FOXN2: variants seen among roughly 807,000 people sequenced by gnomAD.
The protein encoded by FOXN2 is forkhead box N2, also known as forkhead box protein N2.
In FOXN2, 19 loss-of-function variants were observed where a neutral mutation model predicts 41.2. The observed-to-expected ratio is 0.46, with a 90% confidence interval of 0.32 to 0.68. FOXN2 has a LOEUF of 0.68. FOXN2 is among the 30% of genes least tolerant of loss of function. The pLI is 0.03. For missense variants in FOXN2, 587 were observed against 509.4 expected (o/e 1.15, Z -1.47); for synonymous variants, 195 against 176.8 (o/e 1.10, Z -0.82).
At chr2:48,344,250 CAG>C (rs1391687529) in intron 2 of FOXN2, among the ~76,000 whole-genome samples, 1 of 152,156 alleles carries the variant, frequency 6.6e-6, no homozygotes, top group Non-Finnish European at 1.5e-5. Flanking sequence ...GAGATTGAAA[CAG>C]AAACCAAATC....
At chr2:48,330,053 G>GA (rs200912056) in intron 2 of FOXN2, among the ~76,000 whole-genome samples, 6 of 148,000 alleles carry the variant, frequency 4.1e-5, no homozygotes, top group East Asian at 3.9e-4. Context: ...TAATTACCAA[G>GA]AAAAAAAAAT....
intron 5 of FOXN2, among the ~76,000 whole-genome samples, chr2:48,366,144 A>G (rs757396761): frequency 6.6e-6 from 1 of 151,968 alleles, no homozygotes; most frequent in African/African-American, 2.4e-5. Context: ...ATCACATGAG[A>G]TCAAGAGTTC....
intron 1 of FOXN2, among the ~76,000 whole-genome samples, chr2:48,321,121 G>A (rs1174307411): frequency 1.3e-5 from 2 of 151,902 alleles, no homozygotes; most frequent in Non-Finnish European, 2.9e-5. Flanking sequence ...ACATGTTATG[G>A]TCTGTAGTAG....
At chr2:48,322,514 C>G (rs969608017) in intron 1 of FOXN2, among the ~76,000 whole-genome samples, 1 of 152,130 alleles carries the variant, frequency 6.6e-6, no homozygotes, top group African/African-American at 2.4e-5. Context: ...CTCACGCTCA[C>G]GCGGATTCTT....
intron 5 of FOXN2, among the ~76,000 whole-genome samples, chr2:48,364,409 G>T (rs1406725104): frequency 6.6e-6 from 1 of 151,840 alleles, no homozygotes. Context: ...TTAACATTTT[G>T]ATATAATTCC....
In FOXN2 at chr2:48,375,553, T is replaced by A; in HGVS notation, c.*110T>A. On this transcript the variant is annotated 3_prime_UTR_variant, in exon 7 of 7. Transcript: ENST00000340553. Reference sequence around the variant, plus strand: ...TAGGGAAGGGATACTAATTACTTATTTCTTTCAAAACATTTTTGGTTTTTG... The same window carrying A: ...TAGGGAAGGGATACTAATTACTTATATCTTTCAAAACATTTTTGGTTTTTG... The A allele has an allele frequency of 8.7e-7, 1 of 1,147,538 alleles. No homozygotes were observed. Among genetic ancestry groups the A allele is most frequent in the Non-Finnish European group, 1.2e-6 (1 of 839,166 alleles). The allele number at this position is 1,147,538 out of a possible 1,614,324, so 71.1% of individuals were successfully genotyped here.
chr2:48,346,854 C>A, intron 3 of FOXN2, 103 bp downstream of exon 3: 1 of 896,706 alleles, frequency 1.1e-6, no homozygotes. Context: ...GTAGTCAAGT[C>A]AAATTACTTC....
In FOXN2 at chr2:48,325,847, T is replaced by TC. The variant is rs1025091022; in HGVS notation, c.-156-2714_-156-2713insC. The stretch of plus-strand genomic sequence containing the variant: ...GAGAATTCTTCCCTCAAGATTTCTT[T>TC]TTTTTTTTTTTTTTTTTTTGAGACG... On this transcript the variant is annotated intron_variant, in intron 1 of 6. Coordinates refer to ENST00000340553, the MANE Select transcript of FOXN2 (RefSeq NM_002158.4). Among the ~76,000 whole-genome samples, 20 of 145,184 alleles carry TC rather than the reference T, an allele frequency of 1.4e-4. No homozygotes were observed. The South Asian group carries it at 3.7e-3, about 27-fold the overall frequency.
At chr2:48,337,415 A>G (rs1670438668) in intron 2 of FOXN2, among the ~76,000 whole-genome samples, 3 of 151,024 alleles carry the variant, frequency 2.0e-5, no homozygotes, top group Admixed American at 6.6e-5. Context: ...CTCTTGCCTC[A>G]TCCTCCCAAA....
intron 2 of FOXN2, among the ~76,000 whole-genome samples, chr2:48,331,756 G>A (rs1260500184): frequency 6.6e-6 from 1 of 151,306 alleles, no homozygotes; most frequent in Non-Finnish European, 1.5e-5. Flanking sequence ...GCTTGAGGTT[G>A]CAGTGAGCTA....
intron 2 of FOXN2, among the ~76,000 whole-genome samples, chr2:48,345,089 G>A (rs1201538788): frequency 6.6e-6 from 1 of 152,130 alleles, no homozygotes; most frequent in Admixed American, 6.6e-5. Flanking sequence ...AATAGTAACA[G>A]CTATTTTTCG....
At chr2:48,324,749 A>G (rs1290276299) in intron 1 of FOXN2, among the ~76,000 whole-genome samples, 1 of 152,228 alleles carries the variant, frequency 6.6e-6, no homozygotes, top group African/African-American at 2.4e-5. Context: ...ATCTTATAAA[A>G]TAACTTTAGT....
intron 3 of FOXN2, among the ~76,000 whole-genome samples, chr2:48,349,190 T>C (rs531156020): frequency 2.6e-5 from 4 of 152,236 alleles, no homozygotes; most frequent in African/African-American, 9.6e-5. Context: ...ACGAAAAACA[T>C]TGGATTCAAC....
chr2:48,378,544 A>G lies in FOXN2; in HGVS notation c.*3101A>G, dbSNP rs1218236589. On this transcript the variant is annotated 3_prime_UTR_variant, in exon 7 of 7. Coordinates refer to ENST00000340553, the MANE Select transcript of FOXN2 (RefSeq NM_002158.4). ...GAGGCCTTTGCCAGCAATTTAAGCAACAGATGTGAATACTTCACAAAGCTG... is the reference window on the plus strand; with the variant it reads ...GAGGCCTTTGCCAGCAATTTAAGCAGCAGATGTGAATACTTCACAAAGCTG... The G allele has an allele frequency of 2.6e-5, 4 of 152,498 alleles. No individual in the cohort carries two copies. Among genetic ancestry groups the G allele is most frequent in the Middle Eastern group, 3.4e-3 (1 of 294 alleles). The allele number at this position is 152,498 out of a possible 1,614,324, so 9.4% of individuals were successfully genotyped here. A position where few individuals can be genotyped will look rare whatever the true frequency, so the allele number is the denominator to read the frequency against.
intron 3 of FOXN2, among the ~76,000 whole-genome samples, chr2:48,347,527 G>A (rs558863673): frequency 7.3e-4 from 104 of 141,920 alleles, no homozygotes; most frequent in Admixed American, 2.4e-3. Flanking sequence ...GTGCCCAGCC[G>A]AGGTGTTGTG....
chr2:48,333,128 A>T (rs1186518544), intron 2 of FOXN2, among the ~76,000 whole-genome samples: 1 of 152,114 alleles, frequency 6.6e-6, no homozygotes, highest in Non-Finnish European at 1.5e-5. Context: ...CTTTCATTTT[A>T]TAATTATATA....
chr2:48,362,432 G>A (rs149228385), intron 4 of FOXN2, among the ~76,000 whole-genome samples: 180 of 152,144 alleles, frequency 1.2e-3, no homozygotes, highest in African/African-American at 4.2e-3. Context: ...AGCCACACAT[G>A]GTAGTGCATG....
chr2:48,375,083 G>A lies in FOXN2; in HGVS notation c.936G>A (p.Gln312=), dbSNP rs763117102. The part of the protein sequence containing the change: ...HNYSASSMAA[Q]RCASRSSVSS... ...ACAGTGCAAGTAGCATGGCAGCACA[G>A]CGTTGTGCATCCAGGTCTAGCGTGT... The change falls in exon 7 of 7, where the codon CAG becomes CAA. Residue 312 remains glutamine (Q), a synonymous_variant. Coordinates refer to ENST00000340553, the MANE Select transcript of FOXN2 (RefSeq NM_002158.4). The A allele has an allele frequency of 1.5e-5, 24 of 1,613,990 alleles. 1 individual carries two copies. The South Asian group carries it at 2.5e-4, about 17-fold the overall frequency.
intron 1 of FOXN2, among the ~76,000 whole-genome samples, chr2:48,322,682 A>G (rs1669409784): frequency 6.7e-6 from 1 of 150,224 alleles, no homozygotes; most frequent in South Asian, 2.1e-4. Context: ...CTTGAGCTCT[A>G]TCACCTCATG....
Sources: gnomAD v4.1 joint callset for allele counts (sites outside exome capture counted in the v4.1 genomes callset) on GRCh38, gnomAD v4.1.1 for gene constraint, MANE v1.5 for transcripts, NCBI Gene and HGNC (gene_info 2026-07-23, HGNC 2026-07-21) for gene names.